Variants in SHISA6 observed in about 807,000 individuals in gnomAD.
SHISA6 encodes the protein shisa family member 6, also known as protein shisa-6.
A neutral mutation model predicts 47.9 loss-of-function variants in SHISA6; 22 were observed. That is an observed-to-expected ratio of 0.46 (90% CI 0.33 to 0.66). The LOEUF is 0.66. SHISA6 is among the 30% of genes least tolerant of loss of function. SHISA6 has a pLI of 0.02. For synonymous variants in SHISA6, 388 were observed against 337.8 expected, an observed-to-expected ratio of 1.15 and a Z score of -1.63; for missense variants, 680 against 764.6, an observed-to-expected ratio of 0.89 and a Z score of 1.30.
At chr17:11,484,638 A>T (rs1916301969) in intron 3 of SHISA6, among the ~76,000 whole-genome samples, 1 of 152,156 alleles carries the variant, frequency 6.6e-6, no homozygotes, top group South Asian at 2.1e-4. Context: ...ACCTCAAGTG[A>T]TCCACCCTCC....
intron 2 of SHISA6, among the ~76,000 whole-genome samples, chr17:11,298,065 A>G (rs944589385): frequency 2.0e-5 from 3 of 152,216 alleles, no homozygotes; most frequent in African/African-American, 7.2e-5. Flanking sequence ...TGTTATGCCA[A>G]TCTCTGCTCT....
chr17:11,521,438 A>G (rs897028807), intron 3 of SHISA6, among the ~76,000 whole-genome samples: 13 of 152,160 alleles, frequency 8.5e-5, no homozygotes, highest in African/African-American at 2.2e-4. Flanking sequence ...GTTGCTGGCT[A>G]TAAAGTTTTA....
chr17:11,282,127 A>G, intron 2 of SHISA6, among the ~76,000 whole-genome samples: 1 of 152,226 alleles, frequency 6.6e-6, no homozygotes. Context: ...AATGCCTTTC[A>G]TAGCCACAGA....
intron 2 of SHISA6, among the ~76,000 whole-genome samples, chr17:11,373,040 T>C (rs1477563733): frequency 6.6e-6 from 1 of 151,946 alleles, no homozygotes; most frequent in East Asian, 1.9e-4. Flanking sequence ...AGATAACTCG[T>C]TAAATGCTTA....
intron 2 of SHISA6, among the ~76,000 whole-genome samples, chr17:11,334,784 C>T (rs984937368): frequency 3.9e-5 from 6 of 152,224 alleles, no homozygotes; most frequent in African/African-American, 1.4e-4. Flanking sequence ...GGCCTTGGCA[C>T]AGCTGCCTGT....
At chr17:11,507,709 C>T (rs1054581070) in intron 3 of SHISA6, among the ~76,000 whole-genome samples, 1 of 152,210 alleles carries the variant, frequency 6.6e-6, no homozygotes, top group Non-Finnish European at 1.5e-5. Context: ...GCCTGCTGTT[C>T]ACTGACACCC....
intron 3 of SHISA6, among the ~76,000 whole-genome samples, chr17:11,393,700 C>G (rs77682058): frequency 0.036 from 5,532 of 152,196 alleles, 185 homozygotes; most frequent in Admixed American, 0.088. Context: ...CAAGATGCAC[C>G]TACTCTTCTT....
Position 11,356,263 on chromosome 17 carries a change from G to T in SHISA6, c.800-23151G>T, listed in dbSNP as rs191067764. ...AGCACCAGTCCAGGCAATCCACAAAGCATAAGTTAGAAGCAGCATGCAGGC... is the reference window on the plus strand; with the variant it reads ...AGCACCAGTCCAGGCAATCCACAAATCATAAGTTAGAAGCAGCATGCAGGC... On this transcript the variant is annotated intron_variant, in intron 2 of 5. Coordinates refer to ENST00000441885, the MANE Select transcript of SHISA6 (RefSeq NM_207386.4). Among the ~76,000 whole-genome samples, 169 of 152,284 alleles carry T rather than the reference G, an allele frequency of 1.1e-3. 1 individual carries two copies. Among genetic ancestry groups the T allele is most frequent in the African/African-American group, 3.9e-3 (164 of 41,562 alleles).
intron 3 of SHISA6, among the ~76,000 whole-genome samples, chr17:11,486,779 C>T (rs893334150): frequency 1.5e-4 from 23 of 152,312 alleles, no homozygotes; most frequent in African/African-American, 5.3e-4. Context: ...TTGTCACCAG[C>T]TGTCCTCAGA....
intron 2 of SHISA6, among the ~76,000 whole-genome samples, chr17:11,352,764 A>G (rs1391181550): frequency 6.6e-6 from 1 of 152,188 alleles, no homozygotes; most frequent in Non-Finnish European, 1.5e-5. Flanking sequence ...ATGTAGGTCA[A>G]ACAGTGGTTC....
chr17:11,468,236 T>C (rs1416699613), intron 3 of SHISA6, among the ~76,000 whole-genome samples: 1 of 151,962 alleles, frequency 6.6e-6, no homozygotes, highest in Non-Finnish European at 1.5e-5. Flanking sequence ...TTTGCAACAC[T>C]GCCCATATGA....
At chr17:11,447,962 GC>G (rs1275161217) in intron 3 of SHISA6, among the ~76,000 whole-genome samples, 3 of 152,240 alleles carry the variant, frequency 2.0e-5, no homozygotes, top group African/African-American at 7.2e-5. Context: ...GGAGTTCCTC[GC>G]CGCCAACTGT....
At position 11,369,434 on chromosome 17, in the gene SHISA6, A is replaced by C. The variant is rs73975345; in HGVS notation, c.800-9980A>C. ...CGGTGGCAGTTTCTCAGGATCATTT[A>C]GTTAAAACTCATTCATTTGGATTCA... On this transcript the variant is annotated intron_variant, in intron 2 of 5. Transcript: ENST00000441885. Among the ~76,000 whole-genome samples, 995 of 152,350 alleles carry C rather than the reference A, an allele frequency of 6.5e-3. 20 individuals carry two copies. The highest frequency in any genetic ancestry group is 0.022 in the African/African-American group (929 of 41,576).
Position 11,504,175 on chromosome 17 carries a change from G to A in SHISA6, c.896-47721G>A, listed in dbSNP as rs115723826. Among the ~76,000 whole-genome samples, 885 of 152,268 alleles carry A rather than the reference G, an allele frequency of 5.8e-3. 8 individuals are homozygous for A. The highest frequency in any genetic ancestry group is 0.02 in the African/African-American group (839 of 41,542). On this transcript the variant is annotated intron_variant, in intron 3 of 5. Coordinates refer to ENST00000441885, the MANE Select transcript of SHISA6 (RefSeq NM_207386.4). ...CAGGTAAGAAAGTGCTTGTATATGA[G>A]GAGGAAGAGGGAAGGCTGGCTTCAT...
chr17:11,385,381 A>G lies in SHISA6; in HGVS notation c.895+5872A>G, dbSNP rs576909751. Among the ~76,000 whole-genome samples the G allele has an allele frequency of 7.9e-5, 12 of 152,046 alleles. No individual in the cohort carries two copies. The East Asian group carries it at 1.9e-3, about 25-fold the overall frequency. On this transcript the variant is annotated intron_variant, in intron 3 of 5. Coordinates refer to ENST00000441885, the MANE Select transcript of SHISA6 (RefSeq NM_207386.4). Reference sequence around the variant, plus strand: ...AGGTGTGGTCAGAAAGGTGCAGGGAATTGACCCCACAGGGCCCTGTGGGGC... The same window carrying G: ...AGGTGTGGTCAGAAAGGTGCAGGGAGTTGACCCCACAGGGCCCTGTGGGGC...
intron 3 of SHISA6, chr17:11,380,149 G>A (rs940685284): frequency 6.6e-6 from 1 of 152,226 alleles, no homozygotes; most frequent in South Asian, 2.1e-4. Flanking sequence ...AAGGTCCTAC[G>A]AGTGTTGTGA....
chr17:11,269,290 G>A (rs1368896933), intron 2 of SHISA6, among the ~76,000 whole-genome samples: 8 of 151,980 alleles, frequency 5.3e-5, no homozygotes, highest in Non-Finnish European at 1.2e-4. Flanking sequence ...CCCACCCACC[G>A]TGGCCTCCCA....
Position 11,506,095 on chromosome 17 carries a change from G to A in SHISA6, c.896-45801G>A, listed in dbSNP as rs73286837. Among the ~76,000 whole-genome samples the A allele has an allele frequency of 4.2e-3, 633 of 152,254 alleles. 4 individuals are homozygous for A. The highest frequency in any genetic ancestry group is 0.014 in the African/African-American group (590 of 41,544). On this transcript the variant is annotated intron_variant, in intron 3 of 5. Coordinates refer to ENST00000441885, the MANE Select transcript of SHISA6 (RefSeq NM_207386.4). ...GAGATAGGGAACAATGCATATCCAC[G>A]GGATTATGTTCTCAAGTGAAACGTT...
chr17:11,436,728 C>A (rs767755970), intron 3 of SHISA6, among the ~76,000 whole-genome samples: 2 of 152,182 alleles, frequency 1.3e-5, no homozygotes, highest in African/African-American at 2.4e-5. Flanking sequence ...ATGGATGAAT[C>A]CCAATGCTAG....
Sources: gnomAD v4.1 joint callset for allele counts (sites outside exome capture counted in the v4.1 genomes callset) on GRCh38, gnomAD v4.1.1 for gene constraint, MANE v1.5 for transcripts, NCBI Gene and HGNC (gene_info 2026-07-23, HGNC 2026-07-21) for gene names.